PGAP3: variants seen among roughly 807,000 people sequenced by gnomAD.
PGAP3 encodes post-GPI attachment to proteins phospholipase 3, also known as GPI-specific phospholipase A2-like PGAP3.
A neutral mutation model predicts 40.3 loss-of-function variants in PGAP3; 31 were observed. The ratio of observed to expected loss-of-function variants is 0.77; its 90% confidence interval spans 0.58 to 1.04. The LOEUF (loss-of-function observed/expected upper bound fraction) is 1.04. Among genes scored for constraint, PGAP3 ranks in the 50% least tolerant of loss-of-function variants. The probability of loss-of-function intolerance (pLI) is 0.00; values close to 1 mark genes in which losing one functional copy is unlikely to be tolerated. For synonymous variants in PGAP3, 191 were observed against 184.5 expected (o/e 1.04, Z -0.29); for missense variants, 413 against 423.0 (o/e 0.98, Z 0.21).
intron 3 of PGAP3, among the ~76,000 whole-genome samples, chr17:39,677,733 G>A (rs1369702706): frequency 1.3e-5 from 2 of 152,210 alleles, no homozygotes; most frequent in Non-Finnish European, 2.9e-5. Context: ...ATAGGAGACT[G>A]GGTGGAGGGA....
In PGAP3 at chr17:39,671,423, A is replaced by G. The variant is rs1004160492; in HGVS notation, c.*1380T>C. 2 of 152,302 alleles carry G rather than the reference A, an allele frequency of 1.3e-5. No individual in the cohort carries two copies. Among genetic ancestry groups the G allele is most frequent in the African/African-American group, 4.8e-5 (2 of 41,440 alleles). The allele number at this position is 152,302 out of a possible 1,614,324, so 9.4% of individuals were successfully genotyped here. A position where few individuals can be genotyped will look rare whatever the true frequency, so the allele number is the denominator to read the frequency against. Reference sequence around the variant, plus strand: ...GGGTCACCTTTACCAGGGCGCAGGCATAGTGTGGCCCCTGCCTGCCCTGGG... The same window carrying G: ...GGGTCACCTTTACCAGGGCGCAGGCGTAGTGTGGCCCCTGCCTGCCCTGGG... On this transcript the variant is annotated 3_prime_UTR_variant, in exon 8 of 8. Transcript: ENST00000300658.
At chr17:39,683,164 T>C (rs1217073958) in intron 3 of PGAP3, among the ~76,000 whole-genome samples, 1 of 152,138 alleles carries the variant, frequency 6.6e-6, no homozygotes, top group Non-Finnish European at 1.5e-5. Context: ...TCTCCATGGC[T>C]GGCCCCATCC....
chr17:39,673,154 G>GC lies in PGAP3; in HGVS notation c.795dup (p.Leu266AlafsTer8). On this transcript the variant is annotated frameshift_variant, in exon 7 of 8. Transcript: ENST00000300658. LOFTEE classifies it high-confidence loss of function. Reference sequence around the variant, plus strand: ...AAGTCAAGCAGCTCGAGCAGGGACAGCCCCTGCAGCAGCAAGACCACCACC... The same window carrying GC: ...AAGTCAAGCAGCTCGAGCAGGGACAGCCCCCTGCAGCAGCAAGACCACCACC... 1 of 1,597,270 alleles carries GC rather than the reference G, an allele frequency of 6.3e-7. No individual in the cohort carries two copies. Among genetic ancestry groups the GC allele is most frequent in the South Asian group, 1.1e-5 (1 of 88,232 alleles).
chr17:39,672,934 G>C, intron 7 of PGAP3, 68 bp from the exon 8 acceptor site: 2 of 1,588,178 alleles, frequency 1.3e-6, no homozygotes, highest in Non-Finnish European at 8.6e-7. Flanking sequence ...CAAGGGTGGG[G>C]TGCATGCAGG....
intron 3 of PGAP3, among the ~76,000 whole-genome samples, chr17:39,678,061 G>A (rs1488081434): frequency 6.6e-6 from 1 of 152,194 alleles, no homozygotes; most frequent in Non-Finnish European, 1.5e-5. Context: ...TGAGAGAAGG[G>A]AGACAGAGGT....
intron 3 of PGAP3, among the ~76,000 whole-genome samples, chr17:39,678,374 C>T (rs2057400783): frequency 6.6e-6 from 1 of 152,166 alleles, no homozygotes; most frequent in Non-Finnish European, 1.5e-5. Context: ...TTGGTTTGGC[C>T]TTCTGGCTTT....
In PGAP3 at chr17:39,674,032, G is replaced by A. The variant is rs1271506448; in HGVS notation, c.518C>T (p.Ser173Phe). ...GTAGATTGAGTGTAGGATGACAGTG[G>A]AGGCACAGAAGTAGTCCATTTTCTG... Reference protein sequence around the residue: ...LTEKMDYFCASTVILHSIYLC... With the variant: ...LTEKMDYFCAFTVILHSIYLC... Residue 173 changes from serine (S) to phenylalanine (F), a missense_variant, in exon 5 of 8, where the codon TCC (serine) becomes TTC (phenylalanine). Transcript: ENST00000300658. The A allele has an allele frequency of 5.0e-6, 8 of 1,613,958 alleles. No individual in the cohort carries two copies. In the African/African-American group the frequency reaches 1.1e-4, roughly 22 times the overall value.
At position 39,675,776 on chromosome 17, in the gene PGAP3, C is replaced by T. The variant is rs1003205381; in HGVS notation, c.433-1097G>A. On this transcript the variant is annotated intron_variant, in intron 3 of 7. Coordinates refer to ENST00000300658, the MANE Select transcript of PGAP3 (RefSeq NM_033419.5). ...AGAATGGGAGGAGAAGGGGTACAGG[C>T]GGGGCAGAACTGCTGCACAGCCAGT... 5.3e-5 allele frequency among the ~76,000 whole-genome samples: 8 copies of T among 151,996 alleles called. No individual in the cohort carries two copies. In the East Asian group the frequency reaches 5.8e-4, roughly 11 times the overall value.
intron 3 of PGAP3, among the ~76,000 whole-genome samples, chr17:39,683,291 C>T (rs1200839743): frequency 6.6e-6 from 1 of 151,978 alleles, no homozygotes; most frequent in Non-Finnish European, 1.5e-5. Flanking sequence ...TCTTTAGAAG[C>T]CTTCCCTTAC....
rs746181614 is a variant in PGAP3, at chr17:39,673,546, T to C, written c.662A>G (p.Tyr221Cys). Residue 221 changes from tyrosine (Y) to cysteine (C), a missense_variant, in exon 6 of 8, where the codon TAT becomes TGT. Transcript: ENST00000300658. ...CACGTTGGCCACCAGGTTGTAGCCA[T>C]AGTCGAAGCGGATGAGGCTCAGGTA... is the stretch of plus-strand genomic sequence containing the variant. ...VSYLSLIRFD[Y>C]GYNLVANVAI... 8.1e-6 allele frequency: 13 copies of C among 1,613,968 alleles called. No homozygotes were observed. The highest frequency in any genetic ancestry group is 1.3e-5 in the African/African-American group (1 of 74,894).
chr17:39,673,646 C>G lies in PGAP3; in HGVS notation c.562G>C (p.Val188Leu). 1 of 1,613,896 alleles carries G rather than the reference C, an allele frequency of 6.2e-7. No individual in the cohort carries two copies. Among genetic ancestry groups the G allele is most frequent in the Non-Finnish European group, 8.5e-7 (1 of 1,179,980 alleles). ...ACCACAGCTGGGTGCTGCAGCCCCA[C>G]GGTCCTGCCCCACCGTCCAGGGTTG... ...HSIYLCCVRT[V>L]GLQHPAVVSA... is the part of the protein sequence containing the mutation. Residue 188 changes from valine (V) to leucine (L), a missense_variant, in exon 6 of 8, where the codon GTG becomes CTG. By Grantham distance (32) the Val-to-Leu change is conservative. Coordinates refer to ENST00000300658, the MANE Select transcript of PGAP3 (RefSeq NM_033419.5).
At chr17:39,674,537 A>G (rs2057351248) in intron 4 of PGAP3, 80 bp downstream of exon 4, 1 of 1,412,072 alleles carries the variant, frequency 7.1e-7, no homozygotes, top group Admixed American at 2.1e-5. Context: ...AGTTGGCATG[A>G]CCCTCTAGAG....
At position 39,673,508 on chromosome 17, in the gene PGAP3, C is replaced by A; in HGVS notation, c.694+6G>T. On this transcript the variant is annotated splice_donor_region_variant and intron_variant, in intron 6 of 7. Coordinates refer to ENST00000300658, the MANE Select transcript of PGAP3 (RefSeq NM_033419.5). ...TGCAGATGGCCCAAGCCCCCCAGGG[C>A]CTCACCAATAGCCACGTTGGCCACC... 1 of 1,613,992 alleles carries A rather than the reference C, an allele frequency of 6.2e-7. No homozygotes were observed. The highest frequency in any genetic ancestry group is 8.5e-7 in the Non-Finnish European group (1 of 1,179,962).
At chr17:39,679,424 T>C (rs1439690267) in intron 3 of PGAP3, among the ~76,000 whole-genome samples, 2 of 152,178 alleles carry the variant, frequency 1.3e-5, no homozygotes, top group Non-Finnish European at 2.9e-5. Context: ...GCACATGTTA[T>C]AAAGACAAGG....
intron 3 of PGAP3, among the ~76,000 whole-genome samples, chr17:39,677,697 AG>A (rs758950445): frequency 2.0e-5 from 3 of 152,172 alleles, no homozygotes; most frequent in Non-Finnish European, 4.4e-5. Context: ...GGGGGTGGCC[AG>A]GGGCAGGGTG....
rs1015395493 is a variant in PGAP3, at chr17:39,684,843, C to T, written c.280-94G>A. ...TTGACATGCTGAAGCAACAGGTCCT[C>T]AGCTGAGTCCTCAGCTCTGGAGTTT... On this transcript the variant is annotated intron_variant, in intron 2 of 7. Coordinates refer to ENST00000300658, the MANE Select transcript of PGAP3 (RefSeq NM_033419.5). 2.9e-6 allele frequency: 4 copies of T among 1,398,356 alleles called. No homozygotes were observed. In the East Asian group the frequency reaches 1.0e-4, roughly 35 times the overall value. 86.6% of individuals were successfully genotyped at this position (1,398,356 alleles called of 1,614,324 possible). A position where few individuals can be genotyped will look rare whatever the true frequency, so the allele number is the denominator to read the frequency against.
chr17:39,685,159 C>T (rs771608652), intron 2 of PGAP3, among the ~76,000 whole-genome samples: 130 of 152,002 alleles, frequency 8.6e-4, no homozygotes, highest in Non-Finnish European at 1.6e-3. Context: ...CCTCAACAGG[C>T]CAGAATGAGA....
intron 3 of PGAP3, among the ~76,000 whole-genome samples, chr17:39,677,186 G>A (rs1303432007): frequency 6.6e-6 from 1 of 152,184 alleles, no homozygotes. Flanking sequence ...TGAGGACGAG[G>A]TCTGCGGAAT....
chr17:39,687,428 C>T (rs2517955), intron 1 of PGAP3, among the ~76,000 whole-genome samples: 78,579 of 152,014 alleles, frequency 0.52, 23,104 homozygotes, highest in South Asian at 0.69. Context: ...TCCCTGCCCC[C>T]ACGTCTTCAA....
Sources: gnomAD v4.1 joint callset for allele counts (sites outside exome capture counted in the v4.1 genomes callset) on GRCh38, gnomAD v4.1.1 for gene constraint, MANE v1.5 for transcripts, NCBI Gene and HGNC (gene_info 2026-07-23, HGNC 2026-07-21) for gene names.